LYSMD2: variants seen among roughly 807,000 people sequenced by gnomAD.
The protein encoded by LYSMD2 is lysM and putative peptidoglycan-binding domain-containing protein 2.
LYSMD2 carries 6 observed loss-of-function variants against 17.7 expected under a neutral mutation model. That is an observed-to-expected ratio of 0.34 (90% CI 0.19 to 0.67). LYSMD2 has a LOEUF of 0.67. LYSMD2 is among the 30% of genes least tolerant of loss of function. The probability of loss-of-function intolerance (pLI) is 0.69; values close to 1 mark genes in which losing one functional copy is unlikely to be tolerated. For synonymous variants in LYSMD2, 102 were observed against 129.8 expected (o/e 0.79, Z 1.45); for missense variants, 237 against 286.7 (o/e 0.83, Z 1.25).
At chr15:51,748,973 T>C (rs2055683471) in intron 1 of LYSMD2, among the ~76,000 whole-genome samples, 1 of 152,268 alleles carries the variant, frequency 6.6e-6, no homozygotes, top group South Asian at 2.1e-4. Flanking sequence ...GTTGAACTTT[T>C]TTCCTTTCTG....
rs140697216 is a variant in LYSMD2 at position 51,724,869 on chromosome 15, C to T, written c.526G>A (p.Ala176Thr). Reference sequence around the variant, plus strand: ...TCAAGTCTCTGCAGGAAATCTCTGGCTGACACTTCCTCAGGCTGCACAGGC... The same window carrying T: ...TCAAGTCTCTGCAGGAAATCTCTGGTTGACACTTCCTCAGGCTGCACAGGC... ...VQPVQPEEVS[A>T]RDFLQRLDLQ... is the part of the protein sequence containing the mutation. The change falls in exon 2 of 3, where the codon GCC becomes ACC. Residue 176 changes from alanine (A) to threonine (T), a missense_variant. Physicochemically the swap from Ala to Thr is moderately conservative, Grantham distance 58. Coordinates refer to ENST00000267838, the MANE Select transcript of LYSMD2 (RefSeq NM_153374.3). 2.4e-5 allele frequency: 39 copies of T among 1,613,970 alleles called. No individual in the cohort carries two copies. The African/African-American group carries it at 4.8e-4, about 20-fold the overall frequency.
At chr15:51,737,665 GCGGCGCCTC>G, upstream of LYSMD2, 1 of 1,198,330 alleles carries the variant, frequency 8.3e-7, no homozygotes, top group Non-Finnish European at 1.0e-6. This position sits in a 1 kb window ranked among gnomAD's most constrained non-coding sequence, Gnocchi z 4.2. Flanking sequence ...TGCCAAGGGG[GCGGCGCCTC>G]CTCCTCCTCC....
At chr15:51,724,403 C>T (rs767578654) in intron 2 of LYSMD2, among the ~76,000 whole-genome samples, 3 of 152,158 alleles carry the variant, frequency 2.0e-5, no homozygotes, top group Non-Finnish European at 4.4e-5. Flanking sequence ...GTGAGAGAGA[C>T]ACTTTTATTT....
At position 51,723,513 on chromosome 15, in the gene LYSMD2, G is replaced by A. The variant is rs1404394579; in HGVS notation, c.*94C>T. ...TATGATTTTAAGATGGACACTATAG[G>A]AATCCAGAAGGGATGTTTTTGAATC... On this transcript the variant is annotated 3_prime_UTR_variant, in exon 3 of 3. Transcript: ENST00000267838. The A allele has an allele frequency of 7.0e-6, 7 of 999,852 alleles. No homozygotes were observed. In the Admixed American group the frequency reaches 1.0e-4, roughly 15 times the overall value. The allele number at this position is 999,852 out of a possible 1,614,324, so 61.9% of individuals were successfully genotyped here.
At chr15:51,734,494 A>G (rs2055596614) in intron 1 of LYSMD2, among the ~76,000 whole-genome samples, 1 of 152,156 alleles carries the variant, frequency 6.6e-6, no homozygotes, top group African/African-American at 2.4e-5. Context: ...CCTTGTACCT[A>G]GACTACGACT....
At chr15:51,742,196 T>C (rs754851502), upstream of LYSMD2, among the ~76,000 whole-genome samples, 27 of 152,184 alleles carry the variant, frequency 1.8e-4, no homozygotes, top group South Asian at 4.1e-4. Flanking sequence ...TGCACCGCCA[T>C]GCCCAGCTGA....
chr15:51,742,632 G>T (rs2055648750), upstream of LYSMD2, among the ~76,000 whole-genome samples: 1 of 152,190 alleles, frequency 6.6e-6, no homozygotes, highest in African/African-American at 2.4e-5. Flanking sequence ...TTTTAACAGG[G>T]TCTTTCTCAG....
At chr15:51,746,459 A>G (rs1218212659) in intron 1 of LYSMD2, among the ~76,000 whole-genome samples, 1 of 152,214 alleles carries the variant, frequency 6.6e-6, no homozygotes, top group Non-Finnish European at 1.5e-5. Flanking sequence ...GTGTAGGGGG[A>G]ATGAGGAATG....
In LYSMD2 at chr15:51,725,003, A is replaced by G. The variant is rs151083007; in HGVS notation, c.392T>C (p.Ile131Thr). The G allele has an allele frequency of 7.4e-6, 12 of 1,614,160 alleles. No individual in the cohort carries two copies. The highest frequency in any genetic ancestry group is 1.0e-5 in the Non-Finnish European group (12 of 1,179,988). ...AGCAGTTTCATTTTCTGGAGAATCAATGGAGTTAAGTCCATTAAACAACAA... is the reference window on the plus strand; with the variant it reads ...AGCAGTTTCATTTTCTGGAGAATCAGTGGAGTTAAGTCCATTAAACAACAA... ...KPLLFNGLNS[I>T]DSPENETADN... Residue 131 changes from isoleucine (I) to threonine (T), a missense_variant, in exon 2 of 3, where the codon ATT (isoleucine) becomes ACT (threonine). Ile to Thr is a moderately conservative substitution (Grantham distance 89). Transcript: ENST00000267838.
At chr15:51,747,485 C>G (rs1332454071) in intron 1 of LYSMD2, among the ~76,000 whole-genome samples, 1 of 152,188 alleles carries the variant, frequency 6.6e-6, no homozygotes, top group East Asian at 1.9e-4. Flanking sequence ...GAGCAAATCT[C>G]TGTCTCAAAA....
intron 1 of LYSMD2, among the ~76,000 whole-genome samples, chr15:51,726,564 A>ACGGTAGT (rs1408504357): frequency 6.6e-6 from 1 of 152,174 alleles, no homozygotes. Context: ...CTCCTGCAGG[A>ACGGTAGT]CGGTAGTCGA....
chr15:51,736,359 C>T (rs777920880), intron 1 of LYSMD2, among the ~76,000 whole-genome samples: 1 of 152,154 alleles, frequency 6.6e-6, no homozygotes, highest in Non-Finnish European at 1.5e-5. Flanking sequence ...ATGATAGAGT[C>T]AATACATGAC....
At chr15:51,737,722 A>G, upstream of LYSMD2, 1 of 914,000 alleles carries the variant, frequency 1.1e-6, no homozygotes, top group Non-Finnish European at 1.4e-6. This position sits in a 1 kb window ranked among gnomAD's most constrained non-coding sequence, Gnocchi z 4.2. Flanking sequence ...CAGGGGCTGC[A>G]GCAGGCCGTT....
At chr15:51,735,553 T>C (rs1190848984) in intron 1 of LYSMD2, among the ~76,000 whole-genome samples, 1 of 152,250 alleles carries the variant, frequency 6.6e-6, no homozygotes, top group African/African-American at 2.4e-5. Context: ...TATGTGTCAC[T>C]ATCAATTATA....
exon 1 of LYSMD2, chr15:51,751,428 G>T (rs2055700927): frequency 1.4e-6 from 1 of 691,300 alleles, no homozygotes; most frequent in South Asian, 1.5e-5. Context: ...TTCCTCCCCT[G>T]CAGAGCTGTG....
intron 1 of LYSMD2, among the ~76,000 whole-genome samples, chr15:51,748,566 C>A (rs1013093600): frequency 1.3e-5 from 2 of 152,156 alleles, no homozygotes; most frequent in African/African-American, 4.8e-5. Context: ...CAAATTGACT[C>A]AACAATAAGG....
upstream of LYSMD2, among the ~76,000 whole-genome samples, chr15:51,739,210 T>C (rs907469272): frequency 3.9e-5 from 6 of 152,242 alleles, no homozygotes; most frequent in African/African-American, 1.4e-4. Context: ...TAACTCTCTG[T>C]GTTTTGTGTT....
Position 51,724,948 on chromosome 15 carries a change from T to G in LYSMD2, c.447A>C (p.Pro149=), listed in dbSNP as rs764541743. 1 of 1,614,184 alleles carries G rather than the reference T, an allele frequency of 6.2e-7. No homozygotes were observed. Among genetic ancestry groups the G allele is most frequent in the South Asian group, 1.1e-5 (1 of 91,082 alleles). Residue 149 remains proline (P), a synonymous_variant, in exon 2 of 3, where the codon CCA becomes CCC. Coordinates refer to ENST00000267838, the MANE Select transcript of LYSMD2 (RefSeq NM_153374.3). ...ADNSFSQEEE[P]VVAGEDLPPP... is the part of the protein sequence containing the mutation. ...GAGGGAGGTCTTCCCCGGCCACCACTGGCTCCTCTTCCTGAGAAAAACTGT... is the reference window on the plus strand; with the variant it reads ...GAGGGAGGTCTTCCCCGGCCACCACGGGCTCCTCTTCCTGAGAAAAACTGT...
At chr15:51,728,635 C>T (rs139482427) in intron 1 of LYSMD2, among the ~76,000 whole-genome samples, 3 of 152,076 alleles carry the variant, frequency 2.0e-5, no homozygotes, top group African/African-American at 7.2e-5. Context: ...TTTGGGAGGC[C>T]GAGGCAGGTG....
Sources: allele counts gnomAD v4.1 joint callset (sites outside exome capture counted in the v4.1 genomes callset), GRCh38; gene constraint gnomAD v4.1.1; non-coding constraint Gnocchi (gnomAD v3.1); transcripts MANE v1.5; gene names NCBI Gene and HGNC (gene_info 2026-07-23, HGNC 2026-07-21).